PHLDB1: variants seen among roughly 807,000 people sequenced by gnomAD.
The protein encoded by PHLDB1 is pleckstrin homology like domain family B member 1, also known as pleckstrin homology-like domain family B member 1.
A neutral mutation model predicts 139.3 loss-of-function variants in PHLDB1; 65 were observed. The observed-to-expected ratio is 0.47, with a 90% confidence interval of 0.38 to 0.57. The LOEUF (loss-of-function observed/expected upper bound fraction) is 0.57. Among genes scored for constraint, PHLDB1 ranks in the 20% least tolerant of loss-of-function variants. The pLI, the probability that PHLDB1 is intolerant of heterozygous loss-of-function variation, is 0.00. For missense variants in PHLDB1, 1,624 were observed against 1,839.7 expected (o/e 0.88, Z 2.14); for synonymous variants, 679 against 734.5 (o/e 0.92, Z 1.22).
intron 12 of PHLDB1, chr11:118,641,596 G>A (rs1170144146): frequency 2.8e-5 from 35 of 1,264,914 alleles, no homozygotes; most frequent in Middle Eastern, 4.4e-4. Context: ...TCCCTCCTGC[G>A]TCTGGCCTTG....
In PHLDB1 at chr11:118,645,081, A is replaced by C; in HGVS notation, c.3122-275A>C. On this transcript the variant is annotated intron_variant, in intron 15 of 22. Coordinates refer to ENST00000600882, the MANE Select transcript of PHLDB1 (RefSeq NM_001144758.3). This position sits in a 1 kb window ranked among gnomAD's most constrained non-coding sequence, Gnocchi z 5.1. Reference sequence around the variant, plus strand: ...CAACTGGCTGTCGTGCTGCCCCAGCACTACTTGGGTAGGTTTGGTGTCCTA... The same window carrying C: ...CAACTGGCTGTCGTGCTGCCCCAGCCCTACTTGGGTAGGTTTGGTGTCCTA... 1 of 414,272 alleles carries C rather than the reference A, an allele frequency of 2.4e-6. No individual in the cohort carries two copies. The highest frequency in any genetic ancestry group is 2.0e-5 in the African/African-American group (1 of 48,858). 25.7% of individuals were successfully genotyped at this position (414,272 alleles called of 1,614,324 possible).
intron 4 of PHLDB1, 159 bp from the exon 5 acceptor site, chr11:118,624,775 A>C: frequency 1.6e-6 from 1 of 626,556 alleles, no homozygotes; most frequent in Non-Finnish European, 2.8e-6. Context: ...ACACCCGGCT[A>C]ATTTTTGTAT....
chr11:118,632,451 C>T lies in PHLDB1; in HGVS notation c.2379+155C>T. 2 of 804,092 alleles carry T rather than the reference C, an allele frequency of 2.5e-6. No individual in the cohort carries two copies. The highest frequency in any genetic ancestry group is 4.9e-5 in the Admixed American group (2 of 40,764). 49.8% of individuals were successfully genotyped at this position (804,092 alleles called of 1,614,324 possible). On this transcript the variant is annotated intron_variant, in intron 9 of 22. Transcript: ENST00000600882. The surrounding 1 kb of genome is among the most constrained non-coding windows in gnomAD (Gnocchi z 5.9). ...TCCAGAGACAGAGTGACTTCTCCTC[C>T]TCTGTGGAAGGAACCAGCTTGGAGG...
In PHLDB1 at chr11:118,645,411, G is replaced by A. The variant is rs201282310; in HGVS notation, c.3177G>A (p.Ala1059=). Residue 1059 remains alanine (A), a synonymous_variant, in exon 16 of 23, where the codon GCG becomes GCA. Transcript: ENST00000600882. This position sits in a 1 kb window ranked among gnomAD's most constrained non-coding sequence, Gnocchi z 5.1. The stretch of plus-strand genomic sequence containing the variant: ...GACTGGCTGAGCTGAAGCAGAAAGC[G>A]GCAGCTGAGGCACAGTGCCAGTGGG... ...RRRLAELKQK[A]AAEAQCQWDA... 1.2e-5 allele frequency: 18 copies of A among 1,530,926 alleles called. No homozygotes were observed. The highest frequency in any genetic ancestry group is 2.1e-5 in the Admixed American group (1 of 46,618). 94.8% of individuals were successfully genotyped at this position (1,530,926 alleles called of 1,614,324 possible).
At position 118,635,497 on chromosome 11, in the gene PHLDB1, G is replaced by GGGGCTGCTCCGGAGCAAGGCT. The variant is rs782722861; in HGVS notation, c.2486_2506dup (p.Gly829_Ala835dup). The GGGGCTGCTCCGGAGCAAGGCT allele has an allele frequency of 1.9e-6, 3 of 1,609,780 alleles. No homozygotes were observed. The highest frequency in any genetic ancestry group is 1.3e-5 in the African/African-American group (1 of 74,944). ...AGGAGGAGCGCGAGCTGGCCGGCCAGGGGCTGCTCCGGAGCAAGGCTGAGC... is the reference window on the plus strand; with the variant it reads ...AGGAGGAGCGCGAGCTGGCCGGCCAGGGGCTGCTCCGGAGCAAGGCTGGGCTGCTCCGGAGCAAGGCTGAGC... On this transcript the variant is annotated inframe_insertion, in exon 10 of 23. Transcript: ENST00000600882.
intron 5 of PHLDB1, 73 bp from the exon 6 acceptor site, chr11:118,627,232 G>A: frequency 6.9e-7 from 1 of 1,444,776 alleles, no homozygotes; most frequent in Admixed American, 1.9e-5. Flanking sequence ...GTGCTAGGAG[G>A]AGGGGGGCTA....
rs1265816172 is a variant in PHLDB1, at chr11:118,632,654, C to T, written c.2379+358C>T. The T allele has an allele frequency of 8.4e-6, 2 of 238,628 alleles. No individual in the cohort carries two copies. Among genetic ancestry groups the T allele is most frequent in the African/African-American group, 4.5e-5 (2 of 44,924 alleles). The allele number at this position is 238,628 out of a possible 1,614,324, so 14.8% of individuals were successfully genotyped here. The stretch of plus-strand genomic sequence containing the variant: ...TGGGGAGTGATTCAAGTTCGGGTCC[C>T]ACCATCTGGAGAACATCTCCCTCCA... On this transcript the variant is annotated intron_variant, in intron 9 of 22. Coordinates refer to ENST00000600882, the MANE Select transcript of PHLDB1 (RefSeq NM_001144758.3). The surrounding 1 kb of genome is among the most constrained non-coding windows in gnomAD (Gnocchi z 5.9).
chr11:118,612,968 C>G (rs1192656966), intron 1 of PHLDB1, among the ~76,000 whole-genome samples: 1 of 152,076 alleles, frequency 6.6e-6, no homozygotes, highest in Non-Finnish European at 1.5e-5. Context: ...ATACCAAAAA[C>G]ATGAGCCAGG....
chr11:118,653,350 A>T (rs977934122), intron 20 of PHLDB1: 1 of 152,070 alleles, frequency 6.6e-6, no homozygotes, highest in Admixed American at 6.5e-5. Flanking sequence ...CAGATTACGT[A>T]TTATATCTAG....
rs782083766 is a variant in PHLDB1, at chr11:118,610,981, C to G, written c.-21-2835C>G. Among the ~76,000 whole-genome samples, 25 of 152,150 alleles carry G rather than the reference C, an allele frequency of 1.6e-4. No individual in the cohort carries two copies. Among genetic ancestry groups the G allele is most frequent in the Admixed American group, 7.9e-4 (12 of 15,284 alleles). The stretch of plus-strand genomic sequence containing the variant: ...GTGCGGGAGGGCACCCAGGGCCGGA[C>G]GCGCACCGCAGGGGTCTTTTTTTGG... On this transcript the variant is annotated intron_variant, in intron 1 of 22. Coordinates refer to ENST00000600882, the MANE Select transcript of PHLDB1 (RefSeq NM_001144758.3). The surrounding 1 kb of genome is among the most constrained non-coding windows in gnomAD (Gnocchi z 8.7).
chr11:118,614,791 G>C, intron 3 of PHLDB1, 109 bp downstream of exon 3: 1 of 1,133,788 alleles, frequency 8.8e-7, no homozygotes. Flanking sequence ...GTCTGCTGGT[G>C]CTCGCCTCCC....
intron 1 of PHLDB1, among the ~76,000 whole-genome samples, chr11:118,609,251 A>C (rs1269251033): frequency 1.5e-5 from 2 of 130,016 alleles, no homozygotes; most frequent in Non-Finnish European, 3.2e-5. Context: ...CGTCACACAC[A>C]CAGCTCAGCT....
intron 6 of PHLDB1, among the ~76,000 whole-genome samples, chr11:118,630,240 G>T (rs1212643426): frequency 6.6e-6 from 1 of 152,128 alleles, no homozygotes; most frequent in African/African-American, 2.4e-5. Flanking sequence ...AGGTAGGCCT[G>T]CGGGAAAAGG....
rs1940003990 is a variant in PHLDB1, at chr11:118,610,677, G to A, written c.-22+2978G>A. Among the ~76,000 whole-genome samples the A allele has an allele frequency of 6.6e-6, 1 of 152,252 alleles. No homozygotes were observed. The highest frequency in any genetic ancestry group is 2.4e-5 in the African/African-American group (1 of 41,470). On this transcript the variant is annotated intron_variant, in intron 1 of 22. Transcript: ENST00000600882. The surrounding 1 kb of genome is among the most constrained non-coding windows in gnomAD (Gnocchi z 8.7). ...TGTGTCAGTGCCCGTTGGTGCTGGA[G>A]CCAGTCGGCCCTTCCTTGGCCTCCT...
In PHLDB1 at chr11:118,610,592, C is replaced by G. The variant is rs1939977767; in HGVS notation, c.-22+2893C>G. On this transcript the variant is annotated intron_variant, in intron 1 of 22. Coordinates refer to ENST00000600882, the MANE Select transcript of PHLDB1 (RefSeq NM_001144758.3). The surrounding 1 kb of genome is among the most constrained non-coding windows in gnomAD (Gnocchi z 8.7). ...GCAGTGGCCCCGCGAAGGGCCGGGT[C>G]TGGTGCTCTGGGGCTGGCTTTGGAC... is the stretch of plus-strand genomic sequence containing the variant. 7.8e-6 allele frequency: 4 copies of G among 512,954 alleles called. No homozygotes were observed. Among genetic ancestry groups the G allele is most frequent in the Non-Finnish European group, 1.0e-5 (4 of 397,680 alleles). The allele number at this position is 512,954 out of a possible 1,614,324, so 31.8% of individuals were successfully genotyped here. A position where few individuals can be genotyped will look rare whatever the true frequency, so the allele number is the denominator to read the frequency against.
chr11:118,657,139 TC>T lies in PHLDB1; in HGVS notation c.*320del, dbSNP rs1214875778. 9.5e-6 allele frequency: 2 copies of T among 210,952 alleles called. No individual in the cohort carries two copies. Among genetic ancestry groups the T allele is most frequent in the Non-Finnish European group, 1.9e-5 (2 of 103,940 alleles). The allele number at this position is 210,952 out of a possible 1,614,324, so 13.1% of individuals were successfully genotyped here. On this transcript the variant is annotated 3_prime_UTR_variant, in exon 23 of 23. Coordinates refer to ENST00000600882, the MANE Select transcript of PHLDB1 (RefSeq NM_001144758.3). Reference sequence around the variant, plus strand: ...TTATGGTACCATAAGCTGCCAAAGATCCCCTCCTGCCTCAGACCCCTTTGCC... The same window carrying T: ...TTATGGTACCATAAGCTGCCAAAGATCCCTCCTGCCTCAGACCCCTTTGCC...
chr11:118,613,512 C>G, intron 1 of PHLDB1: 3 of 1,003,008 alleles, frequency 3.0e-6, no homozygotes, highest in Non-Finnish European at 3.6e-6. Context: ...TGTCAAAACC[C>G]GGGTTCTGAG....
rs199513660 is a variant in PHLDB1, at chr11:118,650,568, C to T, written c.3874+21C>T. 1.2e-3 allele frequency: 1,894 copies of T among 1,535,344 alleles called. 15 individuals carry two copies. The highest frequency in any genetic ancestry group is 6.5e-4 in the East Asian group (29 of 44,540). On this transcript the variant is annotated intron_variant, in intron 20 of 22. Coordinates refer to ENST00000600882, the MANE Select transcript of PHLDB1 (RefSeq NM_001144758.3). This position sits in a 1 kb window ranked among gnomAD's most constrained non-coding sequence, Gnocchi z 4.7. ...TGTGGGTGAGTTCCCACAAGGCCAC[C>T]CTGGGGGCCAGCCAGGATCCCTGGG...
chr11:118,627,979 C>T lies in PHLDB1; in HGVS notation c.1156C>T (p.Pro386Ser). 1 of 1,613,910 alleles carries T rather than the reference C, an allele frequency of 6.2e-7. No homozygotes were observed. Residue 386 changes from proline (P) to serine (S), a missense_variant, in exon 6 of 23, where the codon CCT becomes TCT. Physicochemically the swap from Pro to Ser is moderately conservative, Grantham distance 74. Transcript: ENST00000600882. ...TSIPGSPKFQ[P>S]PVPAPRNKIG... ...CATTCCTGGCAGCCCCAAGTTTCAG[C>T]CTCCAGTCCCTGCTCCCCGAAACAA...
Sources: gnomAD v4.1 joint callset for allele counts (sites outside exome capture counted in the v4.1 genomes callset) on GRCh38, gnomAD v4.1.1 for gene constraint, Gnocchi (gnomAD v3.1) non-coding constraint, MANE v1.5 for transcripts, NCBI Gene and HGNC (gene_info 2026-07-23, HGNC 2026-07-21) for gene names.